SORBS2: variants seen among roughly 807,000 people sequenced by gnomAD.
SORBS2 encodes the protein sorbin and SH3 domain containing 2.
In SORBS2, 46 loss-of-function variants were observed where a neutral mutation model predicts 97.7. That is an observed-to-expected ratio of 0.47 (90% CI 0.37 to 0.60). The LOEUF is 0.60. Among genes scored for constraint, SORBS2 ranks in the 20% least tolerant of loss-of-function variants. The pLI, the probability that SORBS2 is intolerant of heterozygous loss-of-function variation, is 0.00. For missense variants in SORBS2, 1,316 were observed against 1,282.3 expected, an observed-to-expected ratio of 1.03 and a Z score of -0.40; for synonymous variants, 476 against 473.4, an observed-to-expected ratio of 1.01 and a Z score of -0.07.
intron 1 of SORBS2, chr4:185,813,248 A>G (rs1428978931): frequency 1.3e-5 from 2 of 152,192 alleles, no homozygotes; most frequent in Admixed American, 1.3e-4. Flanking sequence ...TTGATTTAGG[A>G]TTCCGTCAGT....
At chr4:185,717,649 G>A (rs1044453205) in intron 2 of SORBS2, among the ~76,000 whole-genome samples, 3 of 152,132 alleles carry the variant, frequency 2.0e-5, no homozygotes, top group African/African-American at 4.8e-5. Context: ...TTAGCTGGGC[G>A]CCCTGGATTG....
chr4:185,751,190 A>AAAAAAAAAAAAAGAG, intron 2 of SORBS2, among the ~76,000 whole-genome samples: 1 of 86,418 alleles, frequency 1.2e-5, no homozygotes, highest in African/African-American at 4.1e-5. Context: ...AAAAAAAAAA[A>AAAAAAAAAAAAAGAG]AGAGAAAGAG....
intron 2 of SORBS2, among the ~76,000 whole-genome samples, chr4:185,681,785 TGCCCTCCATG>T (rs1263585175): frequency 6.6e-6 from 1 of 152,168 alleles, no homozygotes; most frequent in Non-Finnish European, 1.5e-5. Context: ...TGGAACTGGA[TGCCCTCCATG>T]GCCCTTTCCA....
chr4:185,647,455 C>CAGGCTGG (rs1190158643), intron 3 of SORBS2, among the ~76,000 whole-genome samples: 1 of 150,610 alleles, frequency 6.6e-6, no homozygotes, highest in African/African-American at 2.5e-5. Flanking sequence ...CTCTGTTGCC[C>CAGGCTGG]AGGCTGGAGT....
chr4:185,817,633 G>A (rs1037058184), intron 1 of SORBS2, among the ~76,000 whole-genome samples: 3 of 152,200 alleles, frequency 2.0e-5, no homozygotes, highest in African/African-American at 7.2e-5. Context: ...GGGCTCTGCC[G>A]TCACGGCATT....
intron 2 of SORBS2, among the ~76,000 whole-genome samples, chr4:185,688,505 A>ATAGATAGATAGATAGATAGATAG (rs369834856): frequency 7.8e-6 from 1 of 127,680 alleles, no homozygotes; most frequent in Non-Finnish European, 1.8e-5. Context: ...TAGATAGATA[A>ATAGATAGATAGATAGATAGATAG]ATAGATAGAT....
intron 2 of SORBS2, among the ~76,000 whole-genome samples, chr4:185,757,501 A>G (rs938556632): frequency 1.3e-5 from 2 of 152,234 alleles, no homozygotes; most frequent in African/African-American, 4.8e-5. Flanking sequence ...GATATTCAAG[A>G]AACGTTAGAA....
chr4:185,852,468 T>C (rs1313093936), intron 1 of SORBS2, among the ~76,000 whole-genome samples: 1 of 152,172 alleles, frequency 6.6e-6, no homozygotes. Flanking sequence ...ACAAATACAA[T>C]CATATTCATG....
At chr4:185,685,912 A>T (rs938470665) in intron 2 of SORBS2, among the ~76,000 whole-genome samples, 1 of 152,358 alleles carries the variant, frequency 6.6e-6, no homozygotes, top group East Asian at 1.9e-4. Flanking sequence ...TAAGTTCATC[A>T]GCCATTTTAA....
chr4:185,886,554 CAA>C (rs1198439527), intron 1 of SORBS2, among the ~76,000 whole-genome samples: 25 of 72,882 alleles, frequency 3.4e-4, no homozygotes, highest in South Asian at 8.4e-4. Flanking sequence ...GACTCTGTCT[CAA>C]AAAAAAAAAA....
rs528431393 is a variant in SORBS2 at position 185,607,706 on chromosome 4, T to A, written c.2796+4074A>T. Among the ~76,000 whole-genome samples the A allele has an allele frequency of 0.025, 3,768 of 152,158 alleles. 162 individuals are homozygous for A. The highest frequency in any genetic ancestry group is 0.087 in the African/African-American group (3,594 of 41,486). On this transcript the variant is annotated intron_variant, in intron 12 of 14. Coordinates refer to ENST00000418609, the Ensembl canonical transcript of SORBS2. This position sits in a 1 kb window ranked among gnomAD's most constrained non-coding sequence, Gnocchi z 5.2. Reference sequence around the variant, plus strand: ...TATTTATTTTTAATTTTTTAAAAAATTTTTTAGAGATGGAGTCTCGCTGTG... The same window carrying A: ...TATTTATTTTTAATTTTTTAAAAAAATTTTTAGAGATGGAGTCTCGCTGTG...
chr4:185,735,183 G>T (rs1411016472), intron 2 of SORBS2, among the ~76,000 whole-genome samples: 1 of 152,166 alleles, frequency 6.6e-6, no homozygotes, highest in African/African-American at 2.4e-5. Flanking sequence ...CCTGGGGGCT[G>T]GTGGGAACTT....
chr4:185,836,469 T>C (rs2099208119), intron 1 of SORBS2, among the ~76,000 whole-genome samples: 1 of 152,234 alleles, frequency 6.6e-6, no homozygotes, highest in Admixed American at 6.5e-5. Context: ...AATAGTTTAG[T>C]AAAAGCAATT....
intron 1 of SORBS2, among the ~76,000 whole-genome samples, chr4:185,927,372 AATCT>A (rs2099264238): frequency 6.6e-6 from 1 of 151,904 alleles, no homozygotes; most frequent in Non-Finnish European, 1.5e-5. Flanking sequence ...TGCACCTATC[AATCT>A]GTCACCTAGG....
At chr4:185,603,562 C>T (rs548734518) in intron 12 of SORBS2, among the ~76,000 whole-genome samples, 1 of 152,224 alleles carries the variant, frequency 6.6e-6, no homozygotes, top group East Asian at 1.9e-4. Context: ...TGTATTAGAG[C>T]CCTAAATTTT....
chr4:185,892,221 C>T (rs145203724), intron 1 of SORBS2, among the ~76,000 whole-genome samples: 1 of 152,128 alleles, frequency 6.6e-6, no homozygotes, highest in Non-Finnish European at 1.5e-5. Context: ...AAGAAACTAA[C>T]CTGAGTGTAC....
At chr4:185,600,061 A>AAAT (rs1313650863) in intron 12 of SORBS2, among the ~76,000 whole-genome samples, 6 of 152,232 alleles carry the variant, frequency 3.9e-5, no homozygotes, top group Non-Finnish European at 8.8e-5. Context: ...TCAGCCTGGA[A>AAAT]AATGTACAAG....
chr4:185,642,941 C>T (rs1161552988), intron 4 of SORBS2, among the ~76,000 whole-genome samples: 1 of 152,218 alleles, frequency 6.6e-6, no homozygotes, highest in Non-Finnish European at 1.5e-5. Context: ...GGATTCAGTC[C>T]CTCACCAACT....
chr4:185,619,834 T>A (rs1420212707), intron 8 of SORBS2, among the ~76,000 whole-genome samples: 1 of 152,184 alleles, frequency 6.6e-6, no homozygotes, highest in Non-Finnish European at 1.5e-5. Flanking sequence ...AGAAGCCTCA[T>A]GGCCAAAACT....
Sources: allele counts gnomAD v4.1 joint callset (sites outside exome capture counted in the v4.1 genomes callset), GRCh38; gene constraint gnomAD v4.1.1; non-coding constraint Gnocchi (gnomAD v3.1); transcripts MANE v1.5; gene names NCBI Gene and HGNC (gene_info 2026-07-23, HGNC 2026-07-21).